RAB31: variants seen among roughly 807,000 people sequenced by gnomAD.
RAB31 encodes RAB31, member RAS oncogene family, also known as ras-related protein Rab-31.
In RAB31, 21 loss-of-function variants were observed where a neutral mutation model predicts 25.6. The observed-to-expected ratio is 0.82, with a 90% confidence interval of 0.58 to 1.18. The LOEUF (loss-of-function observed/expected upper bound fraction) is 1.18, where lower values mean the gene tolerates loss of function less well. RAB31 is among the 50% of genes most tolerant of loss of function. The pLI, the probability that RAB31 is intolerant of heterozygous loss-of-function variation, is 0.00. For missense variants in RAB31, 196 were observed against 250.1 expected (o/e 0.78, Z 1.46); for synonymous variants, 87 against 84.0 (o/e 1.04, Z -0.20).
chr18:9,712,559 C>T (rs2068022827), intron 1 of RAB31, among the ~76,000 whole-genome samples: 2 of 152,202 alleles, frequency 1.3e-5, no homozygotes, highest in South Asian at 2.1e-4. Flanking sequence ...TTAACAAAAA[C>T]AACACTGAGG....
At chr18:9,802,868 T>C (rs2068520995) in intron 3 of RAB31, among the ~76,000 whole-genome samples, 1 of 152,262 alleles carries the variant, frequency 6.6e-6, no homozygotes, top group African/African-American at 2.4e-5. Flanking sequence ...ACTCTTTTGC[T>C]GTCTTTCCTG....
At chr18:9,842,536 A>G (rs1042342341) in intron 5 of RAB31, among the ~76,000 whole-genome samples, 3 of 152,218 alleles carry the variant, frequency 2.0e-5, no homozygotes, top group Admixed American at 6.5e-5. Flanking sequence ...GGCAGACTCA[A>G]GAGTGATTGG....
chr18:9,785,001 G>A (rs2068424678), intron 2 of RAB31: 2 of 152,232 alleles, frequency 1.3e-5, no homozygotes, highest in Non-Finnish European at 1.5e-5. Context: ...CTCGGAAGCA[G>A]ATCACAAGGG....
At chr18:9,798,603 T>C (rs528360528) in intron 3 of RAB31, among the ~76,000 whole-genome samples, 3 of 145,680 alleles carry the variant, frequency 2.1e-5, no homozygotes, top group African/African-American at 7.6e-5. Flanking sequence ...AGATTTCTTT[T>C]TTTCTTTCTT....
At chr18:9,742,582 G>A (rs2068185296) in intron 1 of RAB31, among the ~76,000 whole-genome samples, 1 of 152,194 alleles carries the variant, frequency 6.6e-6, no homozygotes, top group African/African-American at 2.4e-5. Context: ...TGTTGTAGAT[G>A]AGGATAATGT....
intron 1 of RAB31, among the ~76,000 whole-genome samples, chr18:9,754,035 C>T (rs2068248526): frequency 6.6e-6 from 1 of 152,116 alleles, no homozygotes; most frequent in Admixed American, 6.5e-5. Context: ...AGTAGTCCCA[C>T]CCAAGACAGG....
At chr18:9,734,630 G>A (rs971846901) in intron 1 of RAB31, among the ~76,000 whole-genome samples, 3 of 152,138 alleles carry the variant, frequency 2.0e-5, no homozygotes, top group African/African-American at 7.2e-5. Flanking sequence ...CGGATACGAT[G>A]AACAAAGCGG....
chr18:9,844,121 C>A (rs1016153756), intron 5 of RAB31, among the ~76,000 whole-genome samples: 2 of 152,270 alleles, frequency 1.3e-5, no homozygotes, highest in East Asian at 3.9e-4. Flanking sequence ...CTTCCAGATT[C>A]TTCTCCTCAC....
At chr18:9,737,921 T>C (rs1395947905) in intron 1 of RAB31, among the ~76,000 whole-genome samples, 1 of 152,202 alleles carries the variant, frequency 6.6e-6, no homozygotes, top group Middle Eastern at 3.2e-3. Context: ...AAGAGAGTTT[T>C]GTCTGCCCCC....
rs2068837227 is a variant in RAB31, at chr18:9,859,600, A to AC, written c.*275_*276insC. 6.6e-6 allele frequency: 2 copies of AC among 303,714 alleles called. No homozygotes were observed. The highest frequency in any genetic ancestry group is 8.7e-5 in the South Asian group (1 of 11,514). 18.8% of individuals were successfully genotyped at this position (303,714 alleles called of 1,614,324 possible). On this transcript the variant is annotated 3_prime_UTR_variant, in exon 7 of 7. Transcript: ENST00000578921. ...AGTTGCATTTTTGCTAAAAAAAAAAAAAAACCTTTAAAAATTGTTGGATGT... is the reference window on the plus strand; with the variant it reads ...AGTTGCATTTTTGCTAAAAAAAAAAACAAAACCTTTAAAAATTGTTGGATGT...
chr18:9,785,598 C>G (rs546386469), intron 2 of RAB31, among the ~76,000 whole-genome samples: 4 of 152,294 alleles, frequency 2.6e-5, no homozygotes, highest in African/African-American at 9.6e-5. Flanking sequence ...CTTTTACCTG[C>G]CCAAGGCAGG....
Position 9,734,855 on chromosome 18 carries a change from A to C in RAB31, c.39+26411A>C, listed in dbSNP as rs1246343151. On this transcript the variant is annotated intron_variant, in intron 1 of 6. Coordinates refer to ENST00000578921, the MANE Select transcript of RAB31 (RefSeq NM_006868.4). ...CAAGCCACCAGCACACAGGCCCCCC[A>C]GCATTCTTAATCTTCTCAGCTCATC... is the stretch of plus-strand genomic sequence containing the variant. 3 of 225,450 alleles carry C rather than the reference A, an allele frequency of 1.3e-5. No individual in the cohort carries two copies. In the South Asian group the frequency reaches 1.6e-4, roughly 12 times the overall value. 14.0% of individuals were successfully genotyped at this position (225,450 alleles called of 1,614,324 possible). A position where few individuals can be genotyped will look rare whatever the true frequency, so the allele number is the denominator to read the frequency against.
At chr18:9,779,720 C>T (rs1170358371) in intron 2 of RAB31, among the ~76,000 whole-genome samples, 1 of 152,188 alleles carries the variant, frequency 6.6e-6, no homozygotes, top group Non-Finnish European at 1.5e-5. Flanking sequence ...CAACCCTTAC[C>T]TCACCCCTCC....
chr18:9,811,753 A>G (rs901691033), intron 3 of RAB31, among the ~76,000 whole-genome samples: 2 of 152,234 alleles, frequency 1.3e-5, no homozygotes, highest in Non-Finnish European at 2.9e-5. Flanking sequence ...TTATCATATA[A>G]TGATAAATTA....
At chr18:9,835,321 G>T (rs1383819300) in intron 5 of RAB31, among the ~76,000 whole-genome samples, 3 of 151,968 alleles carry the variant, frequency 2.0e-5, no homozygotes, top group Non-Finnish European at 4.4e-5. Flanking sequence ...AGAGGATTTG[G>T]AGCCGACAAC....
intron 1 of RAB31, among the ~76,000 whole-genome samples, chr18:9,739,804 C>T (rs1382860094): frequency 6.6e-6 from 1 of 152,194 alleles, no homozygotes; most frequent in Non-Finnish European, 1.5e-5. Flanking sequence ...CATGGCCACC[C>T]CTGACTGCAA....
intron 1 of RAB31, among the ~76,000 whole-genome samples, chr18:9,709,585 A>AGGCTCCCATCATC (rs2068005849): frequency 6.6e-6 from 1 of 152,318 alleles, no homozygotes; most frequent in Admixed American, 6.5e-5. Context: ...AACCTCCGGC[A>AGGCTCCCATCATC]GGCTCCCATC....
chr18:9,800,565 C>T (rs1490743999), intron 3 of RAB31, among the ~76,000 whole-genome samples: 1 of 152,160 alleles, frequency 6.6e-6, no homozygotes, highest in Non-Finnish European at 1.5e-5. Flanking sequence ...GAGTTCTTTC[C>T]CTGACCCCCT....
intron 5 of RAB31, among the ~76,000 whole-genome samples, chr18:9,841,375 T>C (rs1340720740): frequency 6.6e-6 from 1 of 151,362 alleles, no homozygotes; most frequent in Non-Finnish European, 1.5e-5. Context: ...CCGTCTCTAC[T>C]GAAAATACAA....
Sources: gnomAD v4.1 joint callset for allele counts (sites outside exome capture counted in the v4.1 genomes callset) on GRCh38, gnomAD v4.1.1 for gene constraint, MANE v1.5 for transcripts, NCBI Gene and HGNC (gene_info 2026-07-23, HGNC 2026-07-21) for gene names.